ATP8B2: variants seen among roughly 807,000 people sequenced by gnomAD.
ATP8B2 encodes the protein ATPase phospholipid transporting 8B2, also known as phospholipid-transporting ATPase ID.
A neutral mutation model predicts 133.4 loss-of-function variants in ATP8B2; 70 were observed. That is an observed-to-expected ratio of 0.52 (90% CI 0.43 to 0.64). The LOEUF (loss-of-function observed/expected upper bound fraction) is 0.64. ATP8B2 is among the 30% of genes least tolerant of loss of function. The pLI is 0.00. For synonymous variants in ATP8B2, 517 were observed against 589.5 expected, an observed-to-expected ratio of 0.88 and a Z score of 1.78; for missense variants, 1,101 against 1,535.7, an observed-to-expected ratio of 0.72 and a Z score of 4.73.
In ATP8B2 at chr1:154,337,970, A is replaced by T. The variant is rs1686247589; in HGVS notation, c.1034+426A>T. The T allele has an allele frequency of 6.1e-5, 19 of 311,420 alleles. 1 individual carries two copies. The South Asian group carries it at 7.8e-4, about 13-fold the overall frequency. The allele number at this position is 311,420 out of a possible 1,614,324, so 19.3% of individuals were successfully genotyped here. On this transcript the variant is annotated intron_variant, in intron 12 of 27. Coordinates refer to ENST00000368489, the MANE Select transcript of ATP8B2 (RefSeq NM_001370597.1). ...AGAGTCTTCTATGTGAAGCTTGGGG[A>T]TACAGAGATGTATAAGGTGGCCTCT...
rs745921740 is a variant in ATP8B2, at chr1:154,344,463, A to G, written c.2104A>G (p.Thr702Ala). The G allele has an allele frequency of 6.8e-6, 11 of 1,614,050 alleles. No homozygotes were observed. Among genetic ancestry groups the G allele is most frequent in the African/African-American group, 1.3e-5 (1 of 74,930 alleles). ...TGACATGACTGAGGTTTTCATAGTC[A>G]CTGGCCATACTGTCCTGGAGGTGCG... ...TDDMTEVFIV[T>A]GHTVLEVREE... Residue 702 changes from threonine (T) to alanine (A), a missense_variant, in exon 20 of 28, where the codon ACT becomes GCT. By Grantham distance (58) the Thr-to-Ala change is moderately conservative. Coordinates refer to ENST00000368489, the MANE Select transcript of ATP8B2 (RefSeq NM_001370597.1). This position sits in a 1 kb window ranked among gnomAD's most constrained non-coding sequence, Gnocchi z 4.1.
In ATP8B2 at chr1:154,344,309, C is replaced by G. The variant is rs1287265551; in HGVS notation, c.2035+55C>G. On this transcript the variant is annotated intron_variant, in intron 19 of 27. Transcript: ENST00000368489. This position sits in a 1 kb window ranked among gnomAD's most constrained non-coding sequence, Gnocchi z 4.1. ...CAACTGACAGTAGCCCTGTTGGACCCTTGCATGGAGCCGAGGACATCAGGC... is the reference window on the plus strand; with the variant it reads ...CAACTGACAGTAGCCCTGTTGGACCGTTGCATGGAGCCGAGGACATCAGGC... The G allele has an allele frequency of 9.9e-6, 16 of 1,614,050 alleles. No homozygotes were observed. Among genetic ancestry groups the G allele is most frequent in the Non-Finnish European group, 1.3e-5 (15 of 1,180,022 alleles).
At chr1:154,337,739 G>T in intron 12 of ATP8B2, 195 bp downstream of exon 12, 1 of 1,511,900 alleles carries the variant, frequency 6.6e-7, no homozygotes, top group South Asian at 1.4e-5. Context: ...ACTTGGGACT[G>T]TATTAGAGAA....
Position 154,328,874 on chromosome 1 carries a change from G to GGGCTCCCCTCTGAGCGGCTGC in ATP8B2, c.31+709_31+729dup. The stretch of plus-strand genomic sequence containing the variant: ...GGGTGGGGCGCGCGCCCGACGGCTG[G>GGGCTCCCCTCTGAGCGGCTGC]GGCTCCCCTCTGAGCGGCTGCGGCT... On this transcript the variant is annotated intron_variant, in intron 2 of 27. Coordinates refer to ENST00000368489, the MANE Select transcript of ATP8B2 (RefSeq NM_001370597.1). This position sits in a 1 kb window ranked among gnomAD's most constrained non-coding sequence, Gnocchi z 4.6. The GGGCTCCCCTCTGAGCGGCTGC allele has an allele frequency of 8.4e-7, 1 of 1,197,312 alleles. No individual in the cohort carries two copies. Among genetic ancestry groups the GGGCTCCCCTCTGAGCGGCTGC allele is most frequent in the Non-Finnish European group, 1.1e-6 (1 of 940,668 alleles). 74.2% of individuals were successfully genotyped at this position (1,197,312 alleles called of 1,614,324 possible). A position where few individuals can be genotyped will look rare whatever the true frequency, so the allele number is the denominator to read the frequency against.
At chr1:154,332,959 T>C (rs990310834) in intron 9 of ATP8B2, among the ~76,000 whole-genome samples, 1 of 152,172 alleles carries the variant, frequency 6.6e-6, no homozygotes, top group African/African-American at 2.4e-5. Flanking sequence ...TTTAGCTTAT[T>C]AGCTCAGAAT....
In ATP8B2 at chr1:154,331,861, A is replaced by G. The variant is rs1025933186; in HGVS notation, c.439-93A>G. ...GCCATTTATGCACCTGGAACTAAGC[A>G]AACCAAGAATGCTTAGTGGAAGGAG... On this transcript the variant is annotated intron_variant, in intron 7 of 27. Coordinates refer to ENST00000368489, the MANE Select transcript of ATP8B2 (RefSeq NM_001370597.1). The surrounding 1 kb of genome is among the most constrained non-coding windows in gnomAD (Gnocchi z 4.8). 1.4e-6 allele frequency: 2 copies of G among 1,416,476 alleles called. No individual in the cohort carries two copies. Among genetic ancestry groups the G allele is most frequent in the Admixed American group, 1.7e-5 (1 of 58,954 alleles). The allele number at this position is 1,416,476 out of a possible 1,614,324, so 87.7% of individuals were successfully genotyped here. A position where few individuals can be genotyped will look rare whatever the true frequency, so the allele number is the denominator to read the frequency against.
In ATP8B2 at chr1:154,340,145, AC is replaced by A. The variant is rs1189936952; in HGVS notation, c.1035-708del. On this transcript the variant is annotated intron_variant, in intron 12 of 27. Coordinates refer to ENST00000368489, the MANE Select transcript of ATP8B2 (RefSeq NM_001370597.1). This position sits in a 1 kb window ranked among gnomAD's most constrained non-coding sequence, Gnocchi z 4.0. ...CAGTGAGCTATGATTACACTACTGC[AC>A]TCCAGCTTGGGTGACAGAGACCCTA... is the stretch of plus-strand genomic sequence containing the variant. Among the ~76,000 whole-genome samples the A allele has an allele frequency of 6.6e-6, 1 of 152,006 alleles. No homozygotes were observed. The highest frequency in any genetic ancestry group is 1.5e-5 in the Non-Finnish European group (1 of 67,990).
intron 11 of ATP8B2, among the ~76,000 whole-genome samples, chr1:154,335,854 AT>A (rs1163458354): frequency 1.3e-5 from 2 of 152,124 alleles, no homozygotes; most frequent in African/African-American, 4.8e-5. Context: ...CCTGACCAAC[AT>A]GGTGAAACCC....
rs757734899 is a variant in ATP8B2, at chr1:154,348,523, G to A, written c.3279G>A (p.Pro1093=). Residue 1093 remains proline (P), a synonymous_variant, in exon 27 of 28, where the codon CCG becomes CCA. Coordinates refer to ENST00000368489, the MANE Select transcript of ATP8B2 (RefSeq NM_001370597.1). The stretch of plus-strand genomic sequence containing the variant: ...GATTCCTCAGGCTCAACCTGAAGCC[G>A]GATCTCTCCGACACGGTGAGAAGCC... The part of the protein sequence containing the change: ...AFRFLRLNLK[P]DLSDTVRYTQ... The A allele has an allele frequency of 6.8e-6, 11 of 1,613,928 alleles. No individual in the cohort carries two copies. Among genetic ancestry groups the A allele is most frequent in the Non-Finnish European group, 9.3e-6 (11 of 1,179,946 alleles).
In ATP8B2 at chr1:154,331,675, G is replaced by T. The variant is rs560749395; in HGVS notation, c.435G>T (p.Val145=). ...TCAAGCTAGAAAATAACCAGTTTGTGGCGGTAAGGGACAGGGTACCCCTCT... is the reference window on the plus strand; with the variant it reads ...TCAAGCTAGAAAATAACCAGTTTGTTGCGGTAAGGGACAGGGTACCCCTCT... ...DIIKLENNQF[V]AADLLLLSSS... Residue 145 remains valine, a synonymous_variant, in exon 7 of 28, where the codon GTG becomes GTT. Coordinates refer to ENST00000368489, the MANE Select transcript of ATP8B2 (RefSeq NM_001370597.1). This position sits in a 1 kb window ranked among gnomAD's most constrained non-coding sequence, Gnocchi z 4.8. The T allele has an allele frequency of 6.2e-7, 1 of 1,614,018 alleles. No individual in the cohort carries two copies. Among genetic ancestry groups the T allele is most frequent in the East Asian group, 2.2e-5 (1 of 44,890 alleles).
intron 3 of ATP8B2, 133 bp from the exon 4 acceptor site, chr1:154,330,682 C>T: frequency 2.5e-6 from 2 of 808,890 alleles, no homozygotes; most frequent in Non-Finnish European, 4.0e-6. Context: ...CCTCCTCTTT[C>T]CCCCTCCCAC....
At position 154,327,703 on chromosome 1, in the gene ATP8B2, G is replaced by A. The variant is rs1275564850; in HGVS notation, c.-37-402G>A. The A allele has an allele frequency of 2.4e-6, 3 of 1,254,030 alleles. No homozygotes were observed. The African/African-American group carries it at 4.5e-5, about 19-fold the overall frequency. The allele number at this position is 1,254,030 out of a possible 1,614,324, so 77.7% of individuals were successfully genotyped here. ...CCCTGCCAGGTGTTTCCTGGCTCAT[G>A]TTCCCTCCACCCCACCCTTTGGGGA... On this transcript the variant is annotated intron_variant, in intron 1 of 27. Coordinates refer to ENST00000368489, the MANE Select transcript of ATP8B2 (RefSeq NM_001370597.1).
chr1:154,345,506 C>A lies in ATP8B2; in HGVS notation c.2655C>A (p.Val885=). 1 of 1,614,068 alleles carries A rather than the reference C, an allele frequency of 6.2e-7. No individual in the cohort carries two copies. The highest frequency in any genetic ancestry group is 1.1e-5 in the South Asian group (1 of 91,074). The change falls in exon 23 of 28, where the codon GTC becomes GTA. Residue 885 remains valine, a synonymous_variant. Coordinates refer to ENST00000368489, the MANE Select transcript of ATP8B2 (RefSeq NM_001370597.1). This position sits in a 1 kb window ranked among gnomAD's most constrained non-coding sequence, Gnocchi z 5.6. ...FFYKNFAFTM[V]HFWFGFFCGF... ...ACAAAAACTTTGCTTTCACCATGGT[C>A]CACTTCTGGTTTGGCTTCTTCTGTG...
Position 154,334,162 on chromosome 1 carries a change from C to G in ATP8B2, c.645C>G (p.Leu215=), listed in dbSNP as rs35339531. The G allele has an allele frequency of 1.6e-3, 2,640 of 1,614,200 alleles. 52 individuals carry two copies. The African/African-American group carries it at 0.031, about 19-fold the overall frequency. The change falls in exon 10 of 28, where the codon CTC becomes CTG. Residue 215 remains leucine (L), a synonymous_variant. Transcript: ENST00000368489. This position sits in a 1 kb window ranked among gnomAD's most constrained non-coding sequence, Gnocchi z 4.6. ...AACTGGACAAATTCAGCGGAACCCT[C>G]TACTGGAAGGAAAATAAGTTCCCTC... is the stretch of plus-strand genomic sequence containing the variant. The part of the protein sequence containing the change: ...NNKLDKFSGT[L]YWKENKFPLS...
At position 154,348,844 on chromosome 1, in the gene ATP8B2, G is replaced by A. The variant is rs1686687514; in HGVS notation, c.3299G>A (p.Arg1100His). The A allele has an allele frequency of 1.3e-6, 2 of 1,599,386 alleles. No homozygotes were observed. Among genetic ancestry groups the A allele is most frequent in the Non-Finnish European group, 1.7e-6 (2 of 1,170,592 alleles). ...NLKPDLSDTVRYTQLVRKKQK... is the reference protein window; with the variant it reads ...NLKPDLSDTVHYTQLVRKKQK... ...CTTCCCTGTGCCCCTCTGCAGGTCC[G>A]CTACACACAGCTCGTGAGGAAGAAG... Residue 1100 changes from arginine (R) to histidine (H), a missense_variant, in exon 28 of 28, where the codon CGC becomes CAC. By Grantham distance (29) the Arg-to-His change is conservative. Transcript: ENST00000368489.
chr1:154,347,604 G>A (rs1268299168), intron 26 of ATP8B2, among the ~76,000 whole-genome samples: 5 of 152,098 alleles, frequency 3.3e-5, no homozygotes, highest in East Asian at 1.9e-4. Context: ...ATGAGGGCTC[G>A]GAATAGAGTA....
chr1:154,334,318 T>C lies in ATP8B2; in HGVS notation c.748+53T>C. On this transcript the variant is annotated intron_variant, in intron 10 of 27. Transcript: ENST00000368489. This position sits in a 1 kb window ranked among gnomAD's most constrained non-coding sequence, Gnocchi z 4.6. ...AGGGTAAGAGTGACTCAGCCAGCCCTCACTCAGGAGTATGGGATGAGGTGG... is the reference window on the plus strand; with the variant it reads ...AGGGTAAGAGTGACTCAGCCAGCCCCCACTCAGGAGTATGGGATGAGGTGG... 3.1e-6 allele frequency: 5 copies of C among 1,601,362 alleles called. No homozygotes were observed. The highest frequency in any genetic ancestry group is 1.3e-5 in the African/African-American group (1 of 74,734).
chr1:154,331,145 A>G lies in ATP8B2; in HGVS notation c.302A>G (p.Tyr101Cys), dbSNP rs1194867905. The G allele has an allele frequency of 5.6e-6, 9 of 1,612,214 alleles. No homozygotes were observed. The highest frequency in any genetic ancestry group is 7.6e-6 in the Non-Finnish European group (9 of 1,178,466). The change falls in exon 5 of 28, where the codon TAT becomes TGT. Residue 101 changes from tyrosine (Y) to cysteine (C), a missense_variant and splice_region_variant. Physicochemically the swap from Tyr to Cys is radical, Grantham distance 194. Coordinates refer to ENST00000368489, the MANE Select transcript of ATP8B2 (RefSeq NM_001370597.1). The surrounding 1 kb of genome is among the most constrained non-coding windows in gnomAD (Gnocchi z 4.8). ...GCTGTTAAAGATGCCACTGATGACT[A>G]TGTGAGTGGTTTTCATTCTTCTATT... Reference protein sequence around the residue: ...ITAVKDATDDYFRHKSDNQVN... With the variant: ...ITAVKDATDDCFRHKSDNQVN...
chr1:154,336,746 T>C (rs1686195624), intron 11 of ATP8B2, among the ~76,000 whole-genome samples: 1 of 149,972 alleles, frequency 6.7e-6, no homozygotes, highest in African/African-American at 2.5e-5. Flanking sequence ...CTGCCCGCCT[T>C]GGCCTCCCAA....
Sources: gnomAD v4.1 joint callset for allele counts (sites outside exome capture counted in the v4.1 genomes callset) on GRCh38, gnomAD v4.1.1 for gene constraint, Gnocchi (gnomAD v3.1) non-coding constraint, MANE v1.5 for transcripts, NCBI Gene and HGNC (gene_info 2026-07-23, HGNC 2026-07-21) for gene names.